COL26A1: variants seen among roughly 807,000 people sequenced by gnomAD.
COL26A1 encodes the protein collagen type XXVI alpha 1 chain.
COL26A1 carries 41 observed loss-of-function variants against 59.3 expected under a neutral mutation model. The observed-to-expected ratio is 0.69, with a 90% CI of 0.54 to 0.90. COL26A1 has a LOEUF of 0.90. Ranked by LOEUF, COL26A1 falls within the 40% of genes least tolerant of loss-of-function variation. The pLI is 0.00. For missense variants in COL26A1, 612 were observed against 602.3 expected (o/e 1.02, Z -0.17); for synonymous variants, 266 against 256.0 (o/e 1.04, Z -0.37).
chr7:101,486,255 C>G (rs186783442), intron 3 of COL26A1, among the ~76,000 whole-genome samples: 45 of 152,250 alleles, frequency 3.0e-4, no homozygotes, highest in African/African-American at 1.0e-3. Context: ...CATAGTTGAC[C>G]CTTGGGAAGG....
chr7:101,385,692 T>C (rs1482565992), intron 1 of COL26A1, among the ~76,000 whole-genome samples: 2 of 150,306 alleles, frequency 1.3e-5, no homozygotes, highest in African/African-American at 2.5e-5. Flanking sequence ...AAAAAAATTT[T>C]TTTTAATTTT....
chr7:101,459,583 C>T (rs1793561947), intron 3 of COL26A1, among the ~76,000 whole-genome samples: 1 of 151,696 alleles, frequency 6.6e-6, no homozygotes, highest in Non-Finnish European at 1.5e-5. Context: ...ATTGGGATTA[C>T]AGGCATAAGC....
intron 1 of COL26A1, among the ~76,000 whole-genome samples, chr7:101,399,569 C>T (rs1270064084): frequency 6.6e-6 from 1 of 152,166 alleles, no homozygotes; most frequent in Non-Finnish European, 1.5e-5. Context: ...GGTGATCCTC[C>T]TGCCTCGGCC....
intron 3 of COL26A1, among the ~76,000 whole-genome samples, chr7:101,490,796 C>T (rs763065111): frequency 5.3e-5 from 8 of 151,892 alleles, no homozygotes; most frequent in Admixed American, 1.3e-4. Context: ...GTCAGGAGTT[C>T]GAGACCAGCC....
At chr7:101,406,358 T>C (rs1343680705) in intron 1 of COL26A1, among the ~76,000 whole-genome samples, 1 of 152,160 alleles carries the variant, frequency 6.6e-6, no homozygotes, top group Non-Finnish European at 1.5e-5. Flanking sequence ...CACTCGGCTA[T>C]TCCTATGTGA....
intron 1 of COL26A1, among the ~76,000 whole-genome samples, chr7:101,394,317 A>G (rs1791801972): frequency 6.6e-6 from 1 of 152,168 alleles, no homozygotes; most frequent in African/African-American, 2.4e-5. Flanking sequence ...ACCTGCTGTC[A>G]CCTTGGACGT....
chr7:101,372,393 G>A (rs1335339738), intron 1 of COL26A1, among the ~76,000 whole-genome samples: 1 of 151,860 alleles, frequency 6.6e-6, no homozygotes, highest in Non-Finnish European at 1.5e-5. Context: ...AACTCCTGAC[G>A]TCAAGTGATC....
intron 11 of COL26A1, 138 bp downstream of exon 11, chr7:101,553,514 C>T (rs938302974): frequency 1.8e-5 from 13 of 720,358 alleles, no homozygotes; most frequent in Non-Finnish European, 2.7e-5. Flanking sequence ...TGTACAGGGC[C>T]CCTGCCCTGA....
chr7:101,463,805 C>G (rs1352708720), intron 3 of COL26A1, among the ~76,000 whole-genome samples: 1 of 72,964 alleles, frequency 1.4e-5, no homozygotes, highest in African/African-American at 5.7e-5. Context: ...TTCTCTCTCT[C>G]TTTCTTCCCT....
intron 1 of COL26A1, among the ~76,000 whole-genome samples, chr7:101,398,052 C>CATG (rs1309351681): frequency 2.6e-5 from 4 of 152,196 alleles, no homozygotes; most frequent in Non-Finnish European, 5.9e-5. Flanking sequence ...AATCATTCAG[C>CATG]ATGAACTCTA....
At chr7:101,556,418 G>GGTGA (rs954746879) in intron 12 of COL26A1, among the ~76,000 whole-genome samples, 2 of 152,228 alleles carry the variant, frequency 1.3e-5, no homozygotes, top group African/African-American at 2.4e-5. Context: ...CAGGTGGGTG[G>GGTGA]GTGAGTGAGT....
At chr7:101,448,917 T>TA (rs1281290008) in intron 3 of COL26A1, among the ~76,000 whole-genome samples, 2 of 152,210 alleles carry the variant, frequency 1.3e-5, no homozygotes, top group Non-Finnish European at 2.9e-5. Context: ...GCTTTGAGTG[T>TA]AAACTGTCTA....
At chr7:101,480,040 CT>C (rs1362418821) in intron 3 of COL26A1, among the ~76,000 whole-genome samples, 1 of 152,048 alleles carries the variant, frequency 6.6e-6, no homozygotes, top group Non-Finnish European at 1.5e-5. Context: ...CCAGACTGTT[CT>C]TGAACTCCTG....
At chr7:101,376,002 A>G (rs1313117449) in intron 1 of COL26A1, among the ~76,000 whole-genome samples, 1 of 150,760 alleles carries the variant, frequency 6.6e-6, no homozygotes, top group Non-Finnish European at 1.5e-5. Flanking sequence ...AAAAAAAAAA[A>G]AAAAGAAAAT....
At chr7:101,440,379 A>C (rs1315475621) in intron 2 of COL26A1, among the ~76,000 whole-genome samples, 1 of 152,160 alleles carries the variant, frequency 6.6e-6, no homozygotes, top group African/African-American at 2.4e-5. Context: ...ACAAAAAAAC[A>C]ACAAAAAAAG....
chr7:101,473,605 T>C (rs1359740240), intron 3 of COL26A1, among the ~76,000 whole-genome samples: 2 of 134,108 alleles, frequency 1.5e-5, no homozygotes, highest in Non-Finnish European at 3.2e-5. Context: ...CAACACCTTG[T>C]CTCCACACAC....
intron 3 of COL26A1, among the ~76,000 whole-genome samples, chr7:101,500,543 C>A (rs539161492): frequency 6.6e-6 from 1 of 152,182 alleles, no homozygotes; most frequent in Non-Finnish European, 1.5e-5. Flanking sequence ...CCGGACCGGG[C>A]GCGGTGCCTC....
intron 3 of COL26A1, among the ~76,000 whole-genome samples, chr7:101,503,424 C>A (rs922088066): frequency 1.2e-4 from 19 of 152,156 alleles, no homozygotes; most frequent in African/African-American, 4.6e-4. Flanking sequence ...CCTTGTCACC[C>A]AGGCTGGAGT....
At chr7:101,549,138 GC>G in intron 8 of COL26A1, 32 bp from the exon 9 acceptor site, 1 of 1,432,220 alleles carries the variant, frequency 7.0e-7, no homozygotes, top group Non-Finnish European at 9.5e-7. Context: ...CCCCTCTCTG[GC>G]CCCAGGTGAC....
Sources: gnomAD v4.1 joint callset for allele counts (sites outside exome capture counted in the v4.1 genomes callset) on GRCh38, gnomAD v4.1.1 for gene constraint, MANE v1.5 for transcripts, NCBI Gene and HGNC (gene_info 2026-07-23, HGNC 2026-07-21) for gene names.